COG5: variants seen among roughly 807,000 people sequenced by gnomAD.
COG5 encodes the protein conserved oligomeric Golgi complex subunit 5.
In COG5, 86 loss-of-function variants were observed where a neutral mutation model predicts 110.4. The ratio of observed to expected loss-of-function variants is 0.78; its 90% confidence interval spans 0.65 to 0.93. COG5 has a LOEUF of 0.93. Among genes scored for constraint, COG5 ranks in the 40% least tolerant of loss-of-function variants. COG5 has a pLI of 0.00. For missense variants in COG5, 1,077 were observed against 987.0 expected, an observed-to-expected ratio of 1.09 and a Z score of -1.22; for synonymous variants, 360 against 334.6, an observed-to-expected ratio of 1.08 and a Z score of -0.83.
At chr7:107,431,135 T>A (rs1223469942) in intron 6 of COG5, among the ~76,000 whole-genome samples, 1 of 152,210 alleles carries the variant, frequency 6.6e-6, no homozygotes, top group African/African-American at 2.4e-5. Flanking sequence ...AATCTCCAGA[T>A]TTGTAAAAAA....
At chr7:107,233,035 T>G (rs1392815270) in intron 18 of COG5, among the ~76,000 whole-genome samples, 1 of 152,214 alleles carries the variant, frequency 6.6e-6, no homozygotes, top group African/African-American at 2.4e-5. Context: ...TTGATTGTCT[T>G]GTTTTCTTTT....
At chr7:107,333,515 T>G (rs1043724729) in intron 10 of COG5, among the ~76,000 whole-genome samples, 1 of 152,132 alleles carries the variant, frequency 6.6e-6, no homozygotes, top group South Asian at 2.1e-4. Flanking sequence ...ATATTTATAA[T>G]GCAATCAACT....
At chr7:107,518,394 TGAG>T (rs1800093031) in intron 6 of COG5, among the ~76,000 whole-genome samples, 1 of 152,106 alleles carries the variant, frequency 6.6e-6, no homozygotes, top group Non-Finnish European at 1.5e-5. Flanking sequence ...GATCAACTGA[TGAG>T]CTATATTCAG....
intron 10 of COG5, among the ~76,000 whole-genome samples, chr7:107,349,127 T>A (rs1253405472): frequency 6.6e-6 from 1 of 152,200 alleles, no homozygotes; most frequent in Non-Finnish European, 1.5e-5. Context: ...TACATATTTT[T>A]AAACATATAT....
At chr7:107,450,060 G>A (rs930607290) in intron 6 of COG5, 2 of 152,246 alleles carry the variant, frequency 1.3e-5, no homozygotes, top group Non-Finnish European at 2.9e-5. Flanking sequence ...TCCTCTCTGG[G>A]CTTGTGCCTA....
chr7:107,440,514 C>T (rs775978135), intron 6 of COG5, among the ~76,000 whole-genome samples: 20 of 152,082 alleles, frequency 1.3e-4, no homozygotes, highest in Non-Finnish European at 2.5e-4. Context: ...ACTAATAAGA[C>T]GGTCTTTTGC....
intron 14 of COG5, among the ~76,000 whole-genome samples, chr7:107,262,463 C>T (rs984194754): frequency 2.6e-5 from 4 of 152,088 alleles, no homozygotes; most frequent in African/African-American, 9.7e-5. Context: ...AGAGAGCAAG[C>T]GGGGCAGGGT....
At chr7:107,516,229 C>T (rs138945394) in intron 6 of COG5, among the ~76,000 whole-genome samples, 103 of 152,184 alleles carry the variant, frequency 6.8e-4, no homozygotes, top group African/African-American at 2.4e-3. Flanking sequence ...TAATGCCTAA[C>T]GATGTTGAGC....
At chr7:107,209,269 G>C in intron 21 of COG5, 1 of 981,504 alleles carries the variant, frequency 1.0e-6, no homozygotes, top group Non-Finnish European at 1.2e-6. Context: ...GAATAAGGAT[G>C]ACAGAGGAGT....
rs552089575 is a variant in COG5 at position 107,552,279 on chromosome 7, T to A, written c.292+2006A>T. ...AAATGCATAAAAATATTATGACATT[T>A]AAAAACATAATTAAAACTAGTGAGC... On this transcript the variant is annotated intron_variant, in intron 3 of 21. Coordinates refer to ENST00000297135, the MANE Select transcript of COG5 (RefSeq NM_006348.5). Among the ~76,000 whole-genome samples the A allele has an allele frequency of 3.3e-5, 5 of 152,256 alleles. No individual in the cohort carries two copies. In the South Asian group the frequency reaches 1.0e-3, roughly 32 times the overall value.
intron 5 of COG5, among the ~76,000 whole-genome samples, chr7:107,542,147 G>A (rs572891170): frequency 6.6e-6 from 1 of 152,120 alleles, no homozygotes; most frequent in South Asian, 2.1e-4. Context: ...TTTCATAAAA[G>A]AGAACTAACC....
rs536472611 is a variant in COG5, at chr7:107,327,588, A to G, written c.1027-3067T>C. Among the ~76,000 whole-genome samples the G allele has an allele frequency of 1.6e-4, 25 of 152,316 alleles. No individual in the cohort carries two copies. The South Asian group carries it at 5.2e-3, about 32-fold the overall frequency. ...TCAGAATATATAAATGGCTCTGACAATTCAACAATTAAAAAAACAAATACC... is the reference window on the plus strand; with the variant it reads ...TCAGAATATATAAATGGCTCTGACAGTTCAACAATTAAAAAAACAAATACC... On this transcript the variant is annotated intron_variant, in intron 10 of 21. Transcript: ENST00000297135.
intron 7 of COG5, among the ~76,000 whole-genome samples, chr7:107,381,159 C>T (rs1384576938): frequency 6.6e-6 from 1 of 152,062 alleles, no homozygotes; most frequent in Non-Finnish European, 1.5e-5. Flanking sequence ...AAAATAAAAT[C>T]GTTTATGTTA....
chr7:107,366,342 C>T (rs1277424046), intron 8 of COG5, among the ~76,000 whole-genome samples: 2 of 152,118 alleles, frequency 1.3e-5, no homozygotes, highest in Admixed American at 6.5e-5. Flanking sequence ...ATGACACCCT[C>T]TCTCCCACAG....
chr7:107,321,999 T>C (rs1584675499), intron 11 of COG5, among the ~76,000 whole-genome samples: 1 of 152,148 alleles, frequency 6.6e-6, no homozygotes, highest in African/African-American at 2.4e-5. Context: ...ATGCAAAGAT[T>C]CCTTGGGACT....
intron 6 of COG5, among the ~76,000 whole-genome samples, chr7:107,482,683 T>C (rs1797422871): frequency 6.6e-6 from 1 of 152,062 alleles, no homozygotes; most frequent in African/African-American, 2.4e-5. Flanking sequence ...CAGTACTACA[T>C]TAGATTTCTA....
At chr7:107,360,637 C>T (rs1813030449) in intron 10 of COG5, among the ~76,000 whole-genome samples, 1 of 152,158 alleles carries the variant, frequency 6.6e-6, no homozygotes, top group Non-Finnish European at 1.5e-5. Flanking sequence ...CATCTAGATG[C>T]CTGCAGCATA....
intron 8 of COG5, among the ~76,000 whole-genome samples, chr7:107,370,290 A>T (rs1004270392): frequency 6.6e-5 from 10 of 152,102 alleles, no homozygotes; most frequent in African/African-American, 2.4e-4. Flanking sequence ...AAAATTTTGA[A>T]ATAATCTTAC....
intron 7 of COG5, among the ~76,000 whole-genome samples, chr7:107,378,239 G>C (rs1437271275): frequency 6.6e-6 from 1 of 152,104 alleles, no homozygotes; most frequent in African/African-American, 2.4e-5. Context: ...CAACAAAAAG[G>C]AAGTCCAAAG....
Sources: allele counts gnomAD v4.1 joint callset (sites outside exome capture counted in the v4.1 genomes callset), GRCh38; gene constraint gnomAD v4.1.1; transcripts MANE v1.5; gene names NCBI Gene and HGNC (gene_info 2026-07-23, HGNC 2026-07-21).